Variants in ODF2L observed in about 807,000 individuals in gnomAD.
ODF2L encodes outer dense fiber of sperm tails 2 like.
Under a neutral mutation model 86.3 loss-of-function variants are expected in ODF2L, and 76 were observed. That is an observed-to-expected ratio of 0.88 (90% CI 0.73 to 1.07). The LOEUF (loss-of-function observed/expected upper bound fraction) is 1.07. Among genes scored for constraint, ODF2L ranks in the 50% least tolerant of loss-of-function variants. ODF2L has a pLI of 0.00. For synonymous variants in ODF2L, 241 were observed against 231.3 expected, an observed-to-expected ratio of 1.04 and a Z score of -0.38; for missense variants, 748 against 717.4, an observed-to-expected ratio of 1.04 and a Z score of -0.49.
intron 14 of ODF2L, among the ~76,000 whole-genome samples, chr1:86,356,184 C>G (rs1658547006): frequency 6.6e-6 from 1 of 152,044 alleles, no homozygotes. Context: ...TTCTCTCATT[C>G]TATTACCATG....
intron 4 of ODF2L, 79 bp downstream of exon 4, chr1:86,384,597 T>G (rs967059812): frequency 5.4e-6 from 5 of 933,082 alleles, no homozygotes; most frequent in Middle Eastern, 3.7e-4. Flanking sequence ...ATACCAATAA[T>G]TTCTACAGTT....
At chr1:86,364,312 G>A (rs1005285249) in intron 11 of ODF2L, among the ~76,000 whole-genome samples, 1 of 152,032 alleles carries the variant, frequency 6.6e-6, no homozygotes, top group Admixed American at 6.6e-5. Flanking sequence ...CACTTTCCCT[G>A]GGCAACCTGT....
Position 86,376,438 on chromosome 1 carries a change from C to G in ODF2L, c.625-20G>C. On this transcript the variant is annotated intron_variant, in intron 7 of 17. Coordinates refer to ENST00000317336, the Ensembl canonical transcript of ODF2L. ...TAAGCTCTAAAAAAAAAATTAGCAACAATTAAATTATTTCAGAACTCCAAT... is the reference window on the plus strand; with the variant it reads ...TAAGCTCTAAAAAAAAAATTAGCAAGAATTAAATTATTTCAGAACTCCAAT... The G allele has an allele frequency of 6.7e-7, 1 of 1,483,196 alleles. No homozygotes were observed. Among genetic ancestry groups the G allele is most frequent in the Non-Finnish European group, 9.2e-7 (1 of 1,084,602 alleles). The allele number at this position is 1,483,196 out of a possible 1,614,324, so 91.9% of individuals were successfully genotyped here.
intron 17 of ODF2L, chr1:86,352,281 G>A: frequency 7.2e-7 from 1 of 1,391,470 alleles, no homozygotes; most frequent in East Asian, 2.8e-5. Flanking sequence ...TTAATCATGA[G>A]TAATGCTAGC....
chr1:86,369,348 A>G (rs1659645926), intron 10 of ODF2L, among the ~76,000 whole-genome samples: 1 of 152,220 alleles, frequency 6.6e-6, no homozygotes, highest in Admixed American at 6.5e-5. Context: ...AAATAAGTGC[A>G]TTACTAAATA....
intron 11 of ODF2L, among the ~76,000 whole-genome samples, chr1:86,366,596 ACT>A (rs1222805946): frequency 1.9e-5 from 2 of 106,752 alleles, no homozygotes; most frequent in African/African-American, 7.7e-5. Context: ...ACAGAGCAAG[ACT>A]CTGTCTCAAA....
chr1:86,381,162 T>C (rs553560971), intron 7 of ODF2L, among the ~76,000 whole-genome samples: 9 of 152,282 alleles, frequency 5.9e-5, no homozygotes, highest in Non-Finnish European at 1.0e-4. Flanking sequence ...ATTCAAATTA[T>C]AGTTGAATTT....
At chr1:86,358,968 A>T (rs1570361504) in intron 12 of ODF2L, 77 bp from the exon 12 acceptor site, 1 of 693,636 alleles carries the variant, frequency 1.4e-6, no homozygotes. Flanking sequence ...TTAAAATTTC[A>T]TTTTAAACAA....
At chr1:86,387,573 CACTT>C (rs1253802226) in intron 1 of ODF2L, among the ~76,000 whole-genome samples, 33 of 152,178 alleles carry the variant, frequency 2.2e-4, no homozygotes, top group Admixed American at 2.2e-3. Flanking sequence ...AAATTAAATT[CACTT>C]ACTTCTATTC....
At chr1:86,348,083 A>C (rs1240230029), downstream of ODF2L, 3 of 152,172 alleles carry the variant, frequency 2.0e-5, no homozygotes, top group African/African-American at 7.2e-5. Context: ...CATTAGTATA[A>C]AACGAATAAA....
At chr1:86,352,726 A>G in intron 17 of ODF2L, 133 bp downstream of exon 16, 1 of 530,198 alleles carries the variant, frequency 1.9e-6, no homozygotes, top group Non-Finnish European at 3.2e-6. Context: ...TTTATTTGTT[A>G]TGTCTTATAT....
intron 1 of ODF2L, among the ~76,000 whole-genome samples, chr1:86,392,593 T>C (rs1296388679): frequency 1.3e-5 from 2 of 152,146 alleles, no homozygotes; most frequent in African/African-American, 4.8e-5. Context: ...TTCTTACTTA[T>C]AAGTGGGAGC....
At chr1:86,355,023 G>C (rs1658430675) in intron 14 of ODF2L, 164 bp from the exon 14 acceptor site, 2 of 544,776 alleles carry the variant, frequency 3.7e-6, no homozygotes, top group Admixed American at 7.0e-5. Flanking sequence ...TAAAATGGAA[G>C]TTTTAAATTC....
intron 4 of ODF2L, 30 bp from the exon 5 acceptor site, chr1:86,383,226 C>T (rs375004414): frequency 3.0e-5 from 35 of 1,185,636 alleles, no homozygotes; most frequent in Non-Finnish European, 4.0e-5. Context: ...AATCAGTGAT[C>T]GCAAATTATA....
chr1:86,379,675 T>C (rs1039364887), intron 7 of ODF2L, among the ~76,000 whole-genome samples: 5 of 152,196 alleles, frequency 3.3e-5, no homozygotes, highest in Admixed American at 2.6e-4. Flanking sequence ...TTTAATTTAC[T>C]AGATTTAGGG....
At chr1:86,373,925 T>C (rs1039722918) in intron 8 of ODF2L, among the ~76,000 whole-genome samples, 5 of 152,196 alleles carry the variant, frequency 3.3e-5, no homozygotes, top group African/African-American at 1.2e-4. Flanking sequence ...TCTAGGGCCT[T>C]GATAGTGCCT....
rs763914691 is a variant in ODF2L at position 86,356,429 on chromosome 1, A to T, written c.1518+15T>A. The T allele has an allele frequency of 6.3e-7, 1 of 1,584,842 alleles. No individual in the cohort carries two copies. Among genetic ancestry groups the T allele is most frequent in the Non-Finnish European group, 8.6e-7 (1 of 1,165,388 alleles). On this transcript the variant is annotated intron_variant, in intron 14 of 17. Transcript: ENST00000317336. ...TTTAACGCATCTAGCAAAACTCAGA[A>T]GGACGGCTGGACACCTGGCCCTGAA...
rs1189581031 is a variant in ODF2L at position 86,356,104 on chromosome 1, G to T, written c.1518+340C>A. On this transcript the variant is annotated intron_variant, in intron 14 of 17. Coordinates refer to ENST00000317336, the Ensembl canonical transcript of ODF2L. ...TCTAATTAAAATAAATTCAATTTTT[G>T]TAATGTAAGTTTCAATAATTTACCT... 6 of 188,184 alleles carry T rather than the reference G, an allele frequency of 3.2e-5. No individual in the cohort carries two copies. The Admixed American group carries it at 3.7e-4, about 11-fold the overall frequency. The allele number at this position is 188,184 out of a possible 1,614,324, so 11.7% of individuals were successfully genotyped here.
intron 7 of ODF2L, among the ~76,000 whole-genome samples, chr1:86,377,505 C>T (rs34495136): frequency 0.038 from 5,797 of 152,306 alleles, 176 homozygotes; most frequent in African/African-American, 0.08. Context: ...CTCTTCCACA[C>T]TGCCCCAGCA....
Sources: allele counts gnomAD v4.1 joint callset (sites outside exome capture counted in the v4.1 genomes callset), GRCh38; gene constraint gnomAD v4.1.1; transcripts MANE v1.5; gene names NCBI Gene and HGNC (gene_info 2026-07-23, HGNC 2026-07-21).